Variants in KSR2 observed in about 807,000 individuals in gnomAD.
KSR2 encodes kinase suppressor of ras 2.
Under a neutral mutation model 107.8 loss-of-function variants are expected in KSR2, and 25 were observed. That is an observed-to-expected ratio of 0.23 (90% confidence interval 0.17 to 0.32). KSR2 has a LOEUF of 0.32. KSR2 is among the 10% of genes least tolerant of loss of function. The pLI, the probability that KSR2 is intolerant of heterozygous loss-of-function variation, is 1.00. For missense variants in KSR2, 887 were observed against 1,268.9 expected, an observed-to-expected ratio of 0.70 and a Z score of 4.57; for synonymous variants, 480 against 507.0, an observed-to-expected ratio of 0.95 and a Z score of 0.71.
intron 4 of KSR2, among the ~76,000 whole-genome samples, chr12:117,694,053 G>T (rs1885945121): frequency 6.6e-6 from 1 of 152,208 alleles, no homozygotes; most frequent in African/African-American, 2.4e-5. Context: ...ACTACAAAAA[G>T]GTGTGGAGGA....
At chr12:117,660,543 C>G (rs1311202272) in intron 5 of KSR2, among the ~76,000 whole-genome samples, 1 of 152,094 alleles carries the variant, frequency 6.6e-6, no homozygotes, top group East Asian at 1.9e-4. Context: ...GGACTAGGGC[C>G]CATTCTAATG....
rs576878880 is a variant in KSR2, at chr12:117,463,340, C to T, written c.*3859G>A. On this transcript the variant is annotated 3_prime_UTR_variant, in exon 20 of 20. Coordinates refer to ENST00000339824, the MANE Select transcript of KSR2 (RefSeq NM_173598.6). ...TTCCTCCCCTGAGAGCCATATCCAACCCTCTCTATCAAAGGCTCCTGTTCC... is the reference window on the plus strand; with the variant it reads ...TTCCTCCCCTGAGAGCCATATCCAATCCTCTCTATCAAAGGCTCCTGTTCC... 3.1e-4 allele frequency: 47 copies of T among 152,332 alleles called. No homozygotes were observed. The highest frequency in any genetic ancestry group is 1.1e-3 in the African/African-American group (46 of 41,570). 9.4% of individuals were successfully genotyped at this position (152,332 alleles called of 1,614,324 possible).
At chr12:117,734,163 C>A (rs1300559237) in intron 4 of KSR2, among the ~76,000 whole-genome samples, 1 of 151,984 alleles carries the variant, frequency 6.6e-6, no homozygotes, top group Non-Finnish European at 1.5e-5. Flanking sequence ...TGCCTGCAGT[C>A]CCAGCTACTC....
At position 117,855,516 on chromosome 12, in the gene KSR2, G is replaced by A. The variant is rs371982174; in HGVS notation, c.384C>T (p.Cys128=). Residue 128 remains cysteine, a synonymous_variant, in exon 3 of 20, where the codon TGC becomes TGT. Transcript: ENST00000339824. ...TGGCTCCGTATTTCTCCACAGTCTC[G>A]CACACCTGTTCATCCGTCATCTCCA... The part of the protein sequence containing the change: ...DLLEMTDEQV[C]ETVEKYGANR... 2.9e-5 allele frequency: 47 copies of A among 1,613,838 alleles called. No individual in the cohort carries two copies. Among genetic ancestry groups the A allele is most frequent in the African/African-American group, 6.7e-5 (5 of 74,912 alleles).
chr12:117,644,760 C>T (rs183761700), intron 5 of KSR2, among the ~76,000 whole-genome samples: 1 of 152,162 alleles, frequency 6.6e-6, no homozygotes, highest in East Asian at 1.9e-4. Context: ...CAGGTTCATG[C>T]TCCTCTTTCG....
At chr12:117,487,956 C>T (rs1361541607) in intron 14 of KSR2, among the ~76,000 whole-genome samples, 1 of 152,116 alleles carries the variant, frequency 6.6e-6, no homozygotes, top group Non-Finnish European at 1.5e-5. Flanking sequence ...CAAATCTCAC[C>T]TTGAATTGTA....
At chr12:117,760,168 C>T (rs1331246114) in intron 4 of KSR2, among the ~76,000 whole-genome samples, 1 of 152,228 alleles carries the variant, frequency 6.6e-6, no homozygotes, top group Admixed American at 6.5e-5. Flanking sequence ...AGATAGACCA[C>T]ACTGTGTTTA....
chr12:117,617,491 T>C (rs1169428651), intron 5 of KSR2, among the ~76,000 whole-genome samples: 1 of 152,224 alleles, frequency 6.6e-6, no homozygotes, highest in African/African-American at 2.4e-5. Flanking sequence ...AAAGTTCATG[T>C]CTTATAATAA....
At chr12:117,644,484 G>A (rs937639421) in intron 5 of KSR2, among the ~76,000 whole-genome samples, 5 of 152,118 alleles carry the variant, frequency 3.3e-5, no homozygotes, top group Non-Finnish European at 7.4e-5. Flanking sequence ...ATCACCCAGG[G>A]AACTTTAAAA....
At chr12:117,712,177 G>A (rs1886809129) in intron 4 of KSR2, among the ~76,000 whole-genome samples, 1 of 152,190 alleles carries the variant, frequency 6.6e-6, no homozygotes, top group Non-Finnish European at 1.5e-5. Flanking sequence ...AGAAACCCAA[G>A]GTGTGGCCTC....
At chr12:117,656,871 C>T (rs1884177676) in intron 5 of KSR2, among the ~76,000 whole-genome samples, 1 of 148,282 alleles carries the variant, frequency 6.7e-6, no homozygotes, top group Non-Finnish European at 1.5e-5. Flanking sequence ...TATTGTAGGA[C>T]CTTGTGATCA....
Position 117,469,713 on chromosome 12 carries a change from G to T in KSR2, c.2795C>A (p.Pro932Gln). The change falls in exon 19 of 20, where the codon CCA becomes CAA. Residue 932 changes from proline to glutamine, a missense_variant. Coordinates refer to ENST00000339824, the MANE Select transcript of KSR2 (RefSeq NM_173598.6). ...GTGAGACAGGCGACGGTTTCGCTTT[G>T]GCAGTTTCTCCAGCATGTCCATGAG... ...TKLMDMLEKL[P>Q]KRNRRLSHPG... 6.2e-7 allele frequency: 1 copy of T among 1,613,668 alleles called. No individual in the cohort carries two copies. The highest frequency in any genetic ancestry group is 1.6e-4 in the Middle Eastern group (1 of 6,062).
chr12:117,849,714 C>T (rs889974841), intron 3 of KSR2, among the ~76,000 whole-genome samples: 1 of 152,066 alleles, frequency 6.6e-6, no homozygotes, highest in Admixed American at 6.6e-5. Context: ...GAGAGAGAGA[C>T]AGACAGACAG....
At chr12:117,837,726 G>T (rs1246715937) in intron 3 of KSR2, among the ~76,000 whole-genome samples, 5 of 152,072 alleles carry the variant, frequency 3.3e-5, no homozygotes, top group Non-Finnish European at 7.3e-5. Flanking sequence ...CCTCCACAAA[G>T]TACCAGATAG....
At chr12:117,731,126 T>C (rs1887663126) in intron 4 of KSR2, among the ~76,000 whole-genome samples, 1 of 144,866 alleles carries the variant, frequency 6.9e-6, no homozygotes, top group Non-Finnish European at 1.5e-5. Context: ...AGCCGCCCCG[T>C]CTGGGAGGTG....
intron 19 of KSR2, 141 bp downstream of exon 19, chr12:117,469,521 A>G (rs1871314285): frequency 1.1e-6 from 1 of 932,494 alleles, no homozygotes; most frequent in Non-Finnish European, 1.6e-6. Context: ...GAAACCTAGT[A>G]GGGAAGAGTG....
intron 16 of KSR2, among the ~76,000 whole-genome samples, chr12:117,481,074 A>G (rs1872148970): frequency 6.6e-6 from 1 of 152,018 alleles, no homozygotes; most frequent in Non-Finnish European, 1.5e-5. Flanking sequence ...GAAAAAAAGA[A>G]AAAAAAAGAG....
intron 3 of KSR2, among the ~76,000 whole-genome samples, chr12:117,772,060 CAT>C (rs1436810553): frequency 2.7e-5 from 4 of 149,600 alleles, no homozygotes; most frequent in East Asian, 4.0e-4. Context: ...AACACACACA[CAT>C]ACACGCCGTT....
intron 3 of KSR2, among the ~76,000 whole-genome samples, chr12:117,779,495 C>T (rs746081689): frequency 1.3e-5 from 2 of 152,106 alleles, no homozygotes; most frequent in African/African-American, 2.4e-5. Flanking sequence ...AAGCAGTGGG[C>T]CTGCTATCTT....
Sources: allele counts gnomAD v4.1 joint callset (sites outside exome capture counted in the v4.1 genomes callset), GRCh38; gene constraint gnomAD v4.1.1; transcripts MANE v1.5; gene names NCBI Gene and HGNC (gene_info 2026-07-23, HGNC 2026-07-21).